The following SGCZ variants were observed in gnomAD, a reference collection of about 807,000 sequenced individuals.
SGCZ encodes the protein zeta-sarcoglycan.
A neutral mutation model predicts 41.3 loss-of-function variants in SGCZ; 40 were observed. The observed-to-expected ratio is 0.97, with a 90% CI of 0.75 to 1.26. The LOEUF is 1.26. Among genes scored for constraint, SGCZ ranks in the 50% most tolerant of loss-of-function variants. The probability of loss-of-function intolerance (pLI) is 0.00; values close to 1 mark genes in which losing one functional copy is unlikely to be tolerated. For synonymous variants in SGCZ, 206 were observed against 137.5 expected (o/e 1.50, Z -3.49); for missense variants, 552 against 369.8 (o/e 1.49, Z -4.04).
At chr8:15,003,855 A>T (rs567369498) in intron 1 of SGCZ, among the ~76,000 whole-genome samples, 1 of 152,188 alleles carries the variant, frequency 6.6e-6, no homozygotes, top group South Asian at 2.1e-4. Context: ...GAAAACAATT[A>T]TGAAAGTAAT....
intron 1 of SGCZ, chr8:14,853,404 C>A (rs1036307974): frequency 3.8e-6 from 2 of 523,032 alleles, no homozygotes; most frequent in African/African-American, 1.9e-5. Flanking sequence ...GGATGGATAC[C>A]CAAGGTCTCA....
At chr8:14,643,057 C>CTA (rs1416602714) in intron 1 of SGCZ, among the ~76,000 whole-genome samples, 1 of 151,532 alleles carries the variant, frequency 6.6e-6, no homozygotes, top group African/African-American at 2.4e-5. Context: ...AGCAAATGTG[C>CTA]TATACTATTG....
intron 1 of SGCZ, among the ~76,000 whole-genome samples, chr8:14,850,735 A>C (rs1803285812): frequency 6.6e-6 from 1 of 152,136 alleles, no homozygotes; most frequent in Non-Finnish European, 1.5e-5. Flanking sequence ...AGGTGGAGGT[A>C]ATTGAATCAT....
intron 1 of SGCZ, among the ~76,000 whole-genome samples, chr8:15,054,770 C>A (rs553541042): frequency 6.6e-6 from 1 of 151,084 alleles, no homozygotes; most frequent in East Asian, 1.9e-4. Flanking sequence ...CTGGCTAACA[C>A]GGTGAAACCC....
At chr8:14,131,938 C>G (rs1223309788) in intron 5 of SGCZ, among the ~76,000 whole-genome samples, 1 of 152,050 alleles carries the variant, frequency 6.6e-6, no homozygotes, top group Non-Finnish European at 1.5e-5. Flanking sequence ...GCTGTCCCAT[C>G]TAGGGCTGTG....
intron 1 of SGCZ, among the ~76,000 whole-genome samples, chr8:15,230,055 G>A (rs1473391): frequency 0.99 from 151,196 of 152,260 alleles, 75,081 homozygotes; most frequent in Middle Eastern, 1. Flanking sequence ...GAAGTAAACC[G>A]GAATGTGCAT....
At chr8:14,313,664 A>G (rs1801617871) in intron 3 of SGCZ, among the ~76,000 whole-genome samples, 1 of 152,104 alleles carries the variant, frequency 6.6e-6, no homozygotes, top group South Asian at 2.1e-4. Context: ...ACTGGATGAC[A>G]CTGTTATATT....
chr8:15,020,131 CCAAA>C (rs1234674791), intron 1 of SGCZ, among the ~76,000 whole-genome samples: 2 of 151,946 alleles, frequency 1.3e-5, no homozygotes, highest in Non-Finnish European at 2.9e-5. Context: ...TTGGGAGTCA[CCAAA>C]CAAACTGAAG....
At chr8:14,795,000 C>G (rs927262262) in intron 1 of SGCZ, among the ~76,000 whole-genome samples, 1 of 152,154 alleles carries the variant, frequency 6.6e-6, no homozygotes. Flanking sequence ...TTTCCGGTAT[C>G]TCTTCAGATG....
At chr8:15,098,919 G>C (rs1443887012) in intron 1 of SGCZ, among the ~76,000 whole-genome samples, 1 of 152,136 alleles carries the variant, frequency 6.6e-6, no homozygotes, top group Non-Finnish European at 1.5e-5. Flanking sequence ...TTAGCCGGGG[G>C]TGGTGGTGGG....
At chr8:14,526,043 C>G (rs1220863016) in intron 2 of SGCZ, among the ~76,000 whole-genome samples, 1 of 151,778 alleles carries the variant, frequency 6.6e-6, no homozygotes, top group Admixed American at 6.6e-5. Flanking sequence ...GATATTTTAC[C>G]TATCCATATT....
chr8:14,122,590 G>GAAC (rs1802733544), intron 5 of SGCZ, among the ~76,000 whole-genome samples: 1 of 152,140 alleles, frequency 6.6e-6, no homozygotes, highest in African/African-American at 2.4e-5. Flanking sequence ...AAAACTATTA[G>GAAC]AACACTAGTG....
intron 4 of SGCZ, among the ~76,000 whole-genome samples, chr8:14,184,141 C>T (rs995852438): frequency 6.6e-6 from 1 of 152,180 alleles, no homozygotes; most frequent in African/African-American, 2.4e-5. Context: ...CTTAAAAAAT[C>T]ATTCTAATGA....
At chr8:15,142,939 T>A (rs1216646920) in intron 1 of SGCZ, among the ~76,000 whole-genome samples, 1 of 152,136 alleles carries the variant, frequency 6.6e-6, no homozygotes, top group Non-Finnish European at 1.5e-5. Flanking sequence ...ACGCTTTCTA[T>A]CTGTAATATT....
chr8:15,130,239 G>C (rs543567370), intron 1 of SGCZ, among the ~76,000 whole-genome samples: 7 of 152,258 alleles, frequency 4.6e-5, no homozygotes, highest in African/African-American at 1.7e-4. Context: ...AGGCTGTGGT[G>C]TGATGGCTAA....
At chr8:14,412,119 A>C (rs1799376986) in intron 2 of SGCZ, among the ~76,000 whole-genome samples, 1 of 152,114 alleles carries the variant, frequency 6.6e-6, no homozygotes, top group South Asian at 2.1e-4. Context: ...TATGTGTCAT[A>C]TGGTATTACA....
chr8:14,098,674 T>C (rs1311423788), intron 7 of SGCZ, among the ~76,000 whole-genome samples: 1 of 152,172 alleles, frequency 6.6e-6, no homozygotes, highest in Non-Finnish European at 1.5e-5. Flanking sequence ...TATTAAAAGC[T>C]GGTGTTTTGG....
chr8:15,082,927 T>C (rs192299268), intron 1 of SGCZ, among the ~76,000 whole-genome samples: 2 of 148,096 alleles, frequency 1.4e-5, no homozygotes, highest in Admixed American at 6.6e-5. Context: ...TTTTCTAGCA[T>C]TTTTTTTTCT....
At chr8:14,505,292 T>C (rs1190057042) in intron 2 of SGCZ, among the ~76,000 whole-genome samples, 1 of 152,190 alleles carries the variant, frequency 6.6e-6, no homozygotes, top group African/African-American at 2.4e-5. Flanking sequence ...TTTTTTAGTG[T>C]TCCTCCTGGT....
Sources: gnomAD v4.1 joint callset for allele counts (sites outside exome capture counted in the v4.1 genomes callset) on GRCh38, gnomAD v4.1.1 for gene constraint, MANE v1.5 for transcripts, NCBI Gene and HGNC (gene_info 2026-07-23, HGNC 2026-07-21) for gene names.